CSMD1: variants seen among roughly 807,000 people sequenced by gnomAD.
CSMD1 encodes the protein CUB and Sushi multiple domains 1, also known as CUB and sushi domain-containing protein 1.
CSMD1 carries 213 observed loss-of-function variants against 417.5 expected under a neutral mutation model. The ratio of observed to expected loss-of-function variants is 0.51; its 90% confidence interval spans 0.46 to 0.57. The LOEUF is 0.57. Among genes scored for constraint, CSMD1 ranks in the 20% least tolerant of loss-of-function variants. The pLI is 0.00. For synonymous variants in CSMD1, 2,862 were observed against 1,736.8 expected, an observed-to-expected ratio of 1.65 and a Z score of -16.11; for missense variants, 6,923 against 4,529.7, an observed-to-expected ratio of 1.53 and a Z score of -15.17.
chr8:3,319,232 G>C (rs1485917935), intron 23 of CSMD1, among the ~76,000 whole-genome samples: 1 of 152,152 alleles, frequency 6.6e-6, no homozygotes, highest in Non-Finnish European at 1.5e-5. Context: ...ACTACTAATT[G>C]CTTAAAAATA....
intron 5 of CSMD1, among the ~76,000 whole-genome samples, chr8:3,805,729 G>C (rs1240165369): frequency 6.6e-6 from 1 of 151,864 alleles, no homozygotes; most frequent in Non-Finnish European, 1.5e-5. Context: ...TTTAATTCGA[G>C]AATCTTACTT....
intron 7 of CSMD1, among the ~76,000 whole-genome samples, chr8:3,675,658 G>T (rs959120983): frequency 3.9e-5 from 6 of 152,092 alleles, no homozygotes; most frequent in South Asian, 4.1e-4. Context: ...GCCACTCAAG[G>T]ACACAATTAG....
At chr8:2,942,095 T>C (rs905331258) in intron 69 of CSMD1, among the ~76,000 whole-genome samples, 2 of 152,080 alleles carry the variant, frequency 1.3e-5, no homozygotes, top group East Asian at 1.9e-4. Flanking sequence ...AGAAAGAGCA[T>C]TGCTCTCACT....
chr8:4,490,416 C>G (rs1482296324), intron 2 of CSMD1, among the ~76,000 whole-genome samples: 2 of 152,220 alleles, frequency 1.3e-5, no homozygotes, highest in South Asian at 2.1e-4. Context: ...TATTTCACAT[C>G]TGTCCTATCT....
At chr8:3,066,593 T>C (rs1307061138) in intron 49 of CSMD1, among the ~76,000 whole-genome samples, 1 of 152,204 alleles carries the variant, frequency 6.6e-6, no homozygotes, top group Non-Finnish European at 1.5e-5. Flanking sequence ...GAATTTCAAA[T>C]ACAGACAGAC....
chr8:3,038,557 G>C (rs1337875476), intron 50 of CSMD1, among the ~76,000 whole-genome samples: 19 of 151,912 alleles, frequency 1.3e-4, no homozygotes, highest in Non-Finnish European at 2.2e-4. Flanking sequence ...TATTTGTTTT[G>C]TTTTTATTTA....
At chr8:3,165,151 C>G (rs570003448) in intron 37 of CSMD1, among the ~76,000 whole-genome samples, 9 of 152,086 alleles carry the variant, frequency 5.9e-5, no homozygotes, top group African/African-American at 1.4e-4. Context: ...TTTTCTTCTC[C>G]CTTCGCCAGT....
intron 5 of CSMD1, among the ~76,000 whole-genome samples, chr8:3,941,817 T>A (rs1296881094): frequency 6.6e-6 from 1 of 151,878 alleles, no homozygotes. Context: ...CAAGGAAAAA[T>A]AAAAATATAG....
chr8:3,278,103 C>G (rs1487496527), intron 26 of CSMD1, among the ~76,000 whole-genome samples: 1 of 152,056 alleles, frequency 6.6e-6, no homozygotes, highest in African/African-American at 2.4e-5. Flanking sequence ...ATATATGAAT[C>G]AGCCAAAGAG....
intron 1 of CSMD1, among the ~76,000 whole-genome samples, chr8:4,761,896 T>TATCTATCTATCA (rs1563319470): frequency 3.3e-4 from 29 of 88,796 alleles, no homozygotes; most frequent in East Asian, 1.0e-3. Flanking sequence ...TCTACCTACC[T>TATCTATCTATCA]ATCTATCTAT....
intron 3 of CSMD1, among the ~76,000 whole-genome samples, chr8:4,164,668 T>C (rs907604629): frequency 5.9e-5 from 9 of 152,136 alleles, no homozygotes; most frequent in African/African-American, 2.2e-4. Context: ...GATTGAATTT[T>C]GAGAATATAA....
intron 1 of CSMD1, among the ~76,000 whole-genome samples, chr8:4,768,746 G>A (rs144657126): frequency 6.6e-6 from 1 of 152,196 alleles, no homozygotes; most frequent in Admixed American, 6.5e-5. Context: ...CCTCTCCTTA[G>A]TGATGCTACT....
At chr8:3,357,748 G>T (rs146849108) in intron 21 of CSMD1, among the ~76,000 whole-genome samples, 2 of 152,050 alleles carry the variant, frequency 1.3e-5, no homozygotes, top group Non-Finnish European at 2.9e-5. Context: ...GAACTCCTAT[G>T]ATCACCTGCA....
intron 1 of CSMD1, among the ~76,000 whole-genome samples, chr8:4,640,696 A>G (rs1163698929): frequency 6.6e-6 from 1 of 152,144 alleles, no homozygotes; most frequent in African/African-American, 2.4e-5. Context: ...AAATGCTGCA[A>G]ACATAACCAT....
At chr8:3,305,272 G>A (rs1160850361) in intron 25 of CSMD1, among the ~76,000 whole-genome samples, 1 of 152,098 alleles carries the variant, frequency 6.6e-6, no homozygotes, top group East Asian at 1.9e-4. Context: ...ACTTAGTGTT[G>A]TCCCAACAGA....
intron 3 of CSMD1, among the ~76,000 whole-genome samples, chr8:4,090,303 G>A (rs1046754588): frequency 2.6e-5 from 4 of 152,120 alleles, no homozygotes; most frequent in Non-Finnish European, 4.4e-5. Context: ...AAGCCACTAG[G>A]TAATATCGTT....
At chr8:3,465,119 GTTC>G (rs966619475) in intron 12 of CSMD1, among the ~76,000 whole-genome samples, 1 of 152,088 alleles carries the variant, frequency 6.6e-6, no homozygotes, top group Admixed American at 6.5e-5. Context: ...TCTGTGAATT[GTTC>G]TTCTGTGTTT....
intron 46 of CSMD1, among the ~76,000 whole-genome samples, chr8:3,099,297 G>T (rs1815564140): frequency 2.0e-5 from 3 of 151,958 alleles, no homozygotes; most frequent in Admixed American, 2.0e-4. Context: ...TGCCATAAAC[G>T]TCACAAGATA....
Position 3,010,975 on chromosome 8 carries a change from C to T in CSMD1, c.8029+7502G>A, listed in dbSNP as rs757717221. ...ACTCCTGACCTCGTGATCTGCCCAC[C>T]TCGGCCTCCCAAAGTGCTGGGATTA... On this transcript the variant is annotated intron_variant, in intron 52 of 69. Transcript: ENST00000635120. Among the ~76,000 whole-genome samples the T allele has an allele frequency of 1.2e-4, 18 of 152,092 alleles. 1 individual carries two copies. Among genetic ancestry groups the T allele is most frequent in the Non-Finnish European group, 1.9e-4 (13 of 68,030 alleles).
Sources: allele counts gnomAD v4.1 joint callset (sites outside exome capture counted in the v4.1 genomes callset), GRCh38; gene constraint gnomAD v4.1.1; transcripts MANE v1.5; gene names NCBI Gene and HGNC (gene_info 2026-07-23, HGNC 2026-07-21).